Variants in KLF17 observed in about 807,000 individuals in gnomAD.
KLF17 encodes Krueppel-like factor 17.
KLF17 carries 31 observed loss-of-function variants against 34.2 expected under a neutral mutation model. The ratio of observed to expected loss-of-function variants is 0.91; its 90% confidence interval spans 0.68 to 1.22. The LOEUF (loss-of-function observed/expected upper bound fraction) is 1.22. KLF17 is among the 50% of genes most tolerant of loss of function. The pLI, the probability that KLF17 is intolerant of heterozygous loss-of-function variation, is 0.00. For synonymous variants in KLF17, 179 were observed against 186.7 expected, an observed-to-expected ratio of 0.96 and a Z score of 0.34; for missense variants, 478 against 505.2, an observed-to-expected ratio of 0.95 and a Z score of 0.52.
the KLF17 span, among the ~76,000 whole-genome samples, chr1:44,054,478 C>CTT: frequency 0.4 from 40,488 of 100,138 alleles, 9,438 homozygotes; most frequent in Middle Eastern, 0.44. Context: ...ATCAGTGTGC[C>CTT]TTTTTTTTTT....
At chr1:44,064,758 T>G in the KLF17 span, among the ~76,000 whole-genome samples, 1 of 152,248 alleles carries the variant, frequency 6.6e-6, no homozygotes. Context: ...CATGAAAATG[T>G]CCTTTGCTTT....
the KLF17 span, among the ~76,000 whole-genome samples, chr1:44,086,307 A>G: frequency 6.6e-6 from 1 of 151,984 alleles, no homozygotes; most frequent in African/African-American, 2.4e-5. Flanking sequence ...TCTCTACTAA[A>G]AGTACAAAAT....
chr1:44,121,638 C>T (rs140274823), intron 1 of KLF17, among the ~76,000 whole-genome samples: 146 of 152,212 alleles, frequency 9.6e-4, no homozygotes, highest in Non-Finnish European at 1.6e-3. Flanking sequence ...TGTTCCTTTC[C>T]GATATATCAG....
chr1:44,086,067 A>C, the KLF17 span, among the ~76,000 whole-genome samples: 2 of 152,176 alleles, frequency 1.3e-5, no homozygotes, highest in Non-Finnish European at 2.9e-5. Flanking sequence ...CTAGCCCTGG[A>C]GGAGCATGGG....
At chr1:44,118,547 T>G (rs2087904896), upstream of KLF17, among the ~76,000 whole-genome samples, 2 of 150,594 alleles carry the variant, frequency 1.3e-5, no homozygotes, top group Admixed American at 6.6e-5. Flanking sequence ...CTGGCTGGAG[T>G]TGGAGACCTG....
chr1:44,085,126 G>T, the KLF17 span, among the ~76,000 whole-genome samples: 1 of 151,758 alleles, frequency 6.6e-6, no homozygotes, highest in African/African-American at 2.4e-5. Context: ...ATATATGTGT[G>T]TGTATATATA....
the KLF17 span, chr1:44,104,489 G>C: frequency 2.6e-5 from 20 of 770,152 alleles, no homozygotes. Flanking sequence ...TGGGGTTCTT[G>C]ATCTGCTCCT....
the KLF17 span, among the ~76,000 whole-genome samples, chr1:44,090,072 G>A: frequency 6.6e-6 from 1 of 151,020 alleles, no homozygotes; most frequent in Admixed American, 6.6e-5. Context: ...GGGAGATCAA[G>A]GCTGCAGTGA....
At chr1:44,109,283 G>A in the KLF17 span, among the ~76,000 whole-genome samples, 14 of 152,310 alleles carry the variant, frequency 9.2e-5, no homozygotes, top group African/African-American at 3.4e-4. Context: ...ATAGAGACCA[G>A]TAAGAGCTTT....
At chr1:44,069,617 G>A in the KLF17 span, among the ~76,000 whole-genome samples, 4 of 152,094 alleles carry the variant, frequency 2.6e-5, no homozygotes, top group South Asian at 2.1e-4. The surrounding 1 kb of genome is among the most constrained non-coding windows in gnomAD (Gnocchi z 4.7). Flanking sequence ...TGAGGGATCC[G>A]CCTCCGGGAC....
At chr1:44,068,001 G>C in the KLF17 span, among the ~76,000 whole-genome samples, 1 of 151,740 alleles carries the variant, frequency 6.6e-6, no homozygotes, top group Non-Finnish European at 1.5e-5. Flanking sequence ...GAGAAGGACA[G>C]GAGAAGCCCT....
chr1:44,125,352 C>G (rs1480051457), intron 1 of KLF17, among the ~76,000 whole-genome samples: 2 of 152,134 alleles, frequency 1.3e-5, no homozygotes, highest in Admixed American at 1.3e-4. Context: ...ATATATCAAC[C>G]CATGGTCTTT....
chr1:44,044,572 C>G, the KLF17 span: 1 of 152,274 alleles, frequency 6.6e-6, no homozygotes, highest in Non-Finnish European at 1.5e-5. Context: ...GTGCCAACAG[C>G]ATCTAGGGGG....
chr1:44,092,042 A>AAAC, the KLF17 span, among the ~76,000 whole-genome samples: 1 of 150,968 alleles, frequency 6.6e-6, no homozygotes, highest in Non-Finnish European at 1.5e-5. Context: ...TAAAAAAAAA[A>AAAC]AAAAAAACTT....
intron 1 of KLF17, chr1:44,122,305 G>C (rs778938613): frequency 2.4e-4 from 391 of 1,599,562 alleles, no homozygotes; most frequent in Non-Finnish European, 2.9e-4. Flanking sequence ...CTGTCTAGTA[G>C]AATAAAATAC....
the KLF17 span, among the ~76,000 whole-genome samples, chr1:44,092,411 C>A: frequency 3.3e-5 from 5 of 152,118 alleles, no homozygotes; most frequent in Admixed American, 1.3e-4. Context: ...ATCTTGGAGA[C>A]CACTCTCATT....
chr1:44,080,785 G>A, the KLF17 span, among the ~76,000 whole-genome samples: 1 of 144,474 alleles, frequency 6.9e-6, no homozygotes, highest in African/African-American at 2.6e-5. Flanking sequence ...CGTGATCTCG[G>A]CTCACTGCAA....
the KLF17 span, among the ~76,000 whole-genome samples, chr1:44,111,707 C>G: frequency 2.0e-5 from 3 of 152,050 alleles, no homozygotes; most frequent in Non-Finnish European, 4.4e-5. Flanking sequence ...TCCTGGCTTA[C>G]ACGGTGAAAC....
At chr1:44,117,357 C>T (rs1245732257), upstream of KLF17, 3 of 152,252 alleles carry the variant, frequency 2.0e-5, no homozygotes, top group Non-Finnish European at 1.5e-5. Context: ...GCCTCAGCCT[C>T]CTGAGTAGCT....
Sources: gnomAD v4.1 joint callset for allele counts (sites outside exome capture counted in the v4.1 genomes callset) on GRCh38, gnomAD v4.1.1 for gene constraint, Gnocchi (gnomAD v3.1) non-coding constraint, MANE v1.5 for transcripts, NCBI Gene and HGNC (gene_info 2026-07-23, HGNC 2026-07-21) for gene names.